The following HS3ST1 variants were observed in gnomAD, a reference collection of about 807,000 sequenced individuals.
The protein encoded by HS3ST1 is heparan sulfate glucosamine 3-O-sulfotransferase 1.
HS3ST1 carries 8 observed loss-of-function variants against 20.7 expected under a neutral mutation model. That is an observed-to-expected ratio of 0.39 (90% CI 0.23 to 0.70). The LOEUF is 0.70. Ranked by LOEUF, HS3ST1 falls within the 30% of genes least tolerant of loss-of-function variation. HS3ST1 has a pLI of 0.46. For synonymous variants in HS3ST1, 205 were observed against 190.4 expected, an observed-to-expected ratio of 1.08 and a Z score of -0.63; for missense variants, 436 against 423.4, an observed-to-expected ratio of 1.03 and a Z score of -0.26.
At chr4:11,405,300 A>G (rs1029901813) in intron 1 of HS3ST1, among the ~76,000 whole-genome samples, 3 of 152,178 alleles carry the variant, frequency 2.0e-5, no homozygotes, top group Admixed American at 6.5e-5. Flanking sequence ...ATGAATTGAA[A>G]AGATTAAGGT....
At chr4:11,424,701 C>T (rs1286345480) in intron 1 of HS3ST1, among the ~76,000 whole-genome samples, 2 of 152,142 alleles carry the variant, frequency 1.3e-5, no homozygotes, top group South Asian at 2.1e-4. Context: ...CTGCTGCCAA[C>T]GCCACTTGAT....
In HS3ST1 at chr4:11,393,804, C is replaced by T. The variant is rs1382104227; in HGVS notation, c.*5278G>A. The T allele has an allele frequency of 6.6e-6, 1 of 152,224 alleles. No individual in the cohort carries two copies. The highest frequency in any genetic ancestry group is 1.5e-5 in the Non-Finnish European group (1 of 68,076). The allele number at this position is 152,224 out of a possible 1,614,324, so 9.4% of individuals were successfully genotyped here. A position where few individuals can be genotyped will look rare whatever the true frequency, so the allele number is the denominator to read the frequency against. On this transcript the variant is annotated 3_prime_UTR_variant, in exon 2 of 2. Coordinates refer to ENST00000002596, the MANE Select transcript of HS3ST1 (RefSeq NM_005114.4). ...GGGTCAGTCAATCATTAGTCATGCC[C>T]TAACCCTAGGAAAGCAGGGGAGTGG...
rs1379680929 is a variant in HS3ST1 at position 11,397,509 on chromosome 4, G to C, written c.*1573C>G. ...AGTCAGGTCAGGAAGAACTGGCTCT[G>C]AGTCTGGGCTTTTCCTTTTGAGTTC... On this transcript the variant is annotated 3_prime_UTR_variant, in exon 2 of 2. Coordinates refer to ENST00000002596, the MANE Select transcript of HS3ST1 (RefSeq NM_005114.4). The C allele has an allele frequency of 3.3e-5, 5 of 152,290 alleles. No homozygotes were observed. Among genetic ancestry groups the C allele is most frequent in the Non-Finnish European group, 7.3e-5 (5 of 68,076 alleles). The allele number at this position is 152,290 out of a possible 1,614,324, so 9.4% of individuals were successfully genotyped here. A position where few individuals can be genotyped will look rare whatever the true frequency, so the allele number is the denominator to read the frequency against.
intron 1 of HS3ST1, among the ~76,000 whole-genome samples, chr4:11,401,026 T>G (rs985568496): frequency 6.6e-6 from 1 of 152,182 alleles, no homozygotes; most frequent in Non-Finnish European, 1.5e-5. Context: ...TGGTTTGTAT[T>G]GCAGCGGGAA....
At position 11,399,761 on chromosome 4, in the gene HS3ST1, G is replaced by A. The variant is rs775034646; in HGVS notation, c.245C>T (p.Ala82Val). Reference protein sequence around the residue: ...EMLSLHPDVAAAENEVHFFDW... With the variant: ...EMLSLHPDVAVAENEVHFFDW... ...GAAGAAGTGGACCTCGTTCTCCGCGGCCGCCACGTCGGGGTGCAGGCTGAG... is the reference window on the plus strand; with the variant it reads ...GAAGAAGTGGACCTCGTTCTCCGCGACCGCCACGTCGGGGTGCAGGCTGAG... Residue 82 changes from alanine to valine, a missense_variant, in exon 2 of 2, where the codon GCC (alanine) becomes GTC (valine). Transcript: ENST00000002596. This position sits in a 1 kb window ranked among gnomAD's most constrained non-coding sequence, Gnocchi z 5.1. The A allele has an allele frequency of 8.7e-6, 14 of 1,613,616 alleles. No homozygotes were observed. The highest frequency in any genetic ancestry group is 1.6e-4 in the Middle Eastern group (1 of 6,084).
At chr4:11,432,622 G>A (rs987223118), upstream of HS3ST1, among the ~76,000 whole-genome samples, 2 of 152,216 alleles carry the variant, frequency 1.3e-5, no homozygotes, top group Admixed American at 6.5e-5. Flanking sequence ...AGGGAAGGGC[G>A]TTGGGTTTGA....
intron 1 of HS3ST1, among the ~76,000 whole-genome samples, chr4:11,421,669 C>G (rs1201863238): frequency 6.6e-6 from 1 of 152,188 alleles, no homozygotes; most frequent in Non-Finnish European, 1.5e-5. Flanking sequence ...GGAAATTCGA[C>G]AAGACATAAA....
At chr4:11,408,630 T>C (rs1718534133) in intron 1 of HS3ST1, among the ~76,000 whole-genome samples, 1 of 152,220 alleles carries the variant, frequency 6.6e-6, no homozygotes, top group Non-Finnish European at 1.5e-5. Flanking sequence ...TTAATCTGCA[T>C]TGCTGTGCAC....
In HS3ST1 at chr4:11,399,931, T is replaced by C; in HGVS notation, c.75A>G (p.Leu25=). Residue 25 remains leucine (L), a synonymous_variant, in exon 2 of 2, where the codon CTA becomes CTG. Transcript: ENST00000002596. This position sits in a 1 kb window ranked among gnomAD's most constrained non-coding sequence, Gnocchi z 5.1. ...PQLVPSRPAE[L]GQQELLRKAG... is the part of the protein sequence containing the mutation. ...CTTTCCGCAGAAGCTCCTGCTGGCCTAGCTCGGCGGGGCGGGAAGGCACTA... is the reference window on the plus strand; with the variant it reads ...CTTTCCGCAGAAGCTCCTGCTGGCCCAGCTCGGCGGGGCGGGAAGGCACTA... The C allele has an allele frequency of 2.5e-6, 4 of 1,591,090 alleles. No homozygotes were observed. The South Asian group carries it at 4.5e-5, about 18-fold the overall frequency.
chr4:11,425,880 T>C (rs1719047714), intron 1 of HS3ST1, among the ~76,000 whole-genome samples: 1 of 152,142 alleles, frequency 6.6e-6, no homozygotes, highest in African/African-American at 2.4e-5. Context: ...TCCTGCCTTC[T>C]GCCATAAGAA....
At chr4:11,429,643 C>CTTTTTTTTTTTTTTTTTTTTTTTTTTTTT (rs59403154), upstream of HS3ST1, 10 of 47,238 alleles carry the variant, frequency 2.1e-4, 2 homozygotes, top group Admixed American at 3.9e-4. Context: ...GAAAATTCAG[C>CTTTTTTTTTTTTTTTTTTTTTTTTTTTTT]TTTTTTTTTT....
At chr4:11,421,745 T>G (rs1168301157) in intron 1 of HS3ST1, among the ~76,000 whole-genome samples, 1 of 152,236 alleles carries the variant, frequency 6.6e-6, no homozygotes. Context: ...AATGTATTTC[T>G]TTGCTTATAG....
In HS3ST1 at chr4:11,423,021, C is replaced by CAAAAAAAAAA. The variant is rs71181101; in HGVS notation, c.-109+5668_-109+5677dup. On this transcript the variant is annotated intron_variant, in intron 1 of 1. Coordinates refer to ENST00000002596, the MANE Select transcript of HS3ST1 (RefSeq NM_005114.4). ...CAGGGCAACAAGAGCGAGACACCGT[C>CAAAAAAAAAA]AAAAAAAAAAAAAAAAAAAAAAAAA... 4.4e-4 allele frequency among the ~76,000 whole-genome samples: 15 copies of CAAAAAAAAAA among 34,390 alleles called. 3 individuals carry two copies. The highest frequency in any genetic ancestry group is 1.1e-3 in the African/African-American group (9 of 8,306). The allele number at this position is 34,390 out of a possible 152,430, so 22.6% of individuals were successfully genotyped here. A position where few individuals can be genotyped will look rare whatever the true frequency, so the allele number is the denominator to read the frequency against.
intron 1 of HS3ST1, among the ~76,000 whole-genome samples, chr4:11,419,312 T>C (rs567184642): frequency 3.9e-5 from 6 of 152,170 alleles, no homozygotes; most frequent in African/African-American, 1.4e-4. Context: ...TTGAATTATA[T>C]AAATTAAGAC....
At chr4:11,429,843 G>C (rs1719170378), upstream of HS3ST1, 1 of 151,678 alleles carries the variant, frequency 6.6e-6, no homozygotes, top group African/African-American at 2.4e-5. Context: ...AATCGCCTTG[G>C]AGAAACGGGT....
chr4:11,433,906 G>A (rs143027188), upstream of HS3ST1, among the ~76,000 whole-genome samples: 308 of 152,226 alleles, frequency 2.0e-3, 1 homozygote, highest in African/African-American at 6.7e-3. Flanking sequence ...AAGGTCCAAG[G>A]AGCATTTGAA....
At chr4:11,420,735 T>C (rs745602442) in intron 1 of HS3ST1, among the ~76,000 whole-genome samples, 17 of 152,234 alleles carry the variant, frequency 1.1e-4, no homozygotes, top group Non-Finnish European at 1.8e-4. Flanking sequence ...ACACTTCTTT[T>C]GGTCCTTTTA....
Position 11,399,559 on chromosome 4 carries a change from C to CGG in HS3ST1, c.445_446dup (p.Ser150ArgfsTer87), listed in dbSNP as rs1560230744. On this transcript the variant is annotated frameshift_variant, in exon 2 of 2. Coordinates refer to ENST00000002596, the MANE Select transcript of HS3ST1 (RefSeq NM_005114.4). LOFTEE classifies it high-confidence loss of function. The surrounding 1 kb of genome is among the most constrained non-coding windows in gnomAD (Gnocchi z 5.1). ...TGTAGTCAGATAGCACGCGCTCCGACGGGTCTCGCAGGATGAGCAGCAGCC... is the reference window on the plus strand; with the variant it reads ...TGTAGTCAGATAGCACGCGCTCCGACGGGGGTCTCGCAGGATGAGCAGCAGCC... 1 of 1,613,808 alleles carries CGG rather than the reference C, an allele frequency of 6.2e-7. No individual in the cohort carries two copies. Among genetic ancestry groups the CGG allele is most frequent in the Admixed American group, 1.7e-5 (1 of 60,020 alleles).
intron 1 of HS3ST1, among the ~76,000 whole-genome samples, chr4:11,418,725 A>G (rs897745596): frequency 4.6e-5 from 7 of 151,870 alleles, no homozygotes; most frequent in African/African-American, 1.5e-4. Context: ...AATAAACCAA[A>G]CCAAACCCCC....
Sources: allele counts gnomAD v4.1 joint callset (sites outside exome capture counted in the v4.1 genomes callset), GRCh38; gene constraint gnomAD v4.1.1; non-coding constraint Gnocchi (gnomAD v3.1); transcripts MANE v1.5; gene names NCBI Gene and HGNC (gene_info 2026-07-23, HGNC 2026-07-21).